MARCHF1: variants seen among roughly 807,000 people sequenced by gnomAD.
The protein encoded by MARCHF1 is membrane associated ring-CH-type finger 1.
MARCHF1 carries 40 observed loss-of-function variants against 54.2 expected under a neutral mutation model. The ratio of observed to expected loss-of-function variants is 0.74; its 90% confidence interval spans 0.57 to 0.96. The LOEUF (loss-of-function observed/expected upper bound fraction) is 0.96. MARCHF1 is among the 40% of genes least tolerant of loss of function. The probability of loss-of-function intolerance (pLI) is 0.00; values close to 1 mark genes in which losing one functional copy is unlikely to be tolerated. For missense variants in MARCHF1, 586 were observed against 656.5 expected (o/e 0.89, Z 1.17); for synonymous variants, 236 against 236.3 (o/e 1.00, Z 0.01).
Position 164,131,903 on chromosome 4 carries a change from T to G in MARCHF1, c.-322-20241A>C, listed in dbSNP as rs193229521. Among the ~76,000 whole-genome samples, 58 of 152,304 alleles carry G rather than the reference T, an allele frequency of 3.8e-4. No homozygotes were observed. The Middle Eastern group carries it at 0.01, about 27-fold the overall frequency. On this transcript the variant is annotated intron_variant, in intron 1 of 9. Transcript: ENST00000514618. ...TTCTATTAAAAAGGCAAATGTATTT[T>G]ACAGAAATGCATTGACATACTAGTC...
intron 3 of MARCHF1, among the ~76,000 whole-genome samples, chr4:163,958,228 G>A (rs1358348108): frequency 6.9e-6 from 1 of 145,880 alleles, no homozygotes; most frequent in East Asian, 2.0e-4. Context: ...TTTCCCAAAT[G>A]ACTTTCAATC....
At chr4:163,998,392 C>T (rs1003859508) in intron 2 of MARCHF1, among the ~76,000 whole-genome samples, 4 of 151,550 alleles carry the variant, frequency 2.6e-5, no homozygotes, top group Admixed American at 6.6e-5. Flanking sequence ...CATTAATACT[C>T]ATGTTAATTA....
chr4:163,731,515 C>A (rs528574479), intron 4 of MARCHF1, among the ~76,000 whole-genome samples: 5 of 152,280 alleles, frequency 3.3e-5, no homozygotes, highest in African/African-American at 1.2e-4. Flanking sequence ...AAAACCCAGG[C>A]AGTGATTAGC....
chr4:164,220,737 AATAT>A (rs1405599135), intron 1 of MARCHF1, among the ~76,000 whole-genome samples: 1 of 146,772 alleles, frequency 6.8e-6, no homozygotes, highest in East Asian at 2.0e-4. Context: ...GTATATATGT[AATAT>A]ATATGCTATA....
chr4:163,604,557 AATCT>A (rs1193976736), intron 7 of MARCHF1, among the ~76,000 whole-genome samples: 1 of 152,074 alleles, frequency 6.6e-6, no homozygotes, highest in Non-Finnish European at 1.5e-5. Context: ...TGTCTCCACC[AATCT>A]ATTTTCCAAC....
At chr4:164,149,205 G>T (rs947238353) in intron 1 of MARCHF1, among the ~76,000 whole-genome samples, 1 of 152,138 alleles carries the variant, frequency 6.6e-6, no homozygotes, top group African/African-American at 2.4e-5. Flanking sequence ...AGCAGATGCT[G>T]GTGCCATGTT....
intron 1 of MARCHF1, among the ~76,000 whole-genome samples, chr4:164,202,002 A>G (rs1731466818): frequency 6.6e-6 from 1 of 152,258 alleles, no homozygotes; most frequent in Non-Finnish European, 1.5e-5. Flanking sequence ...ACAGCCAGAA[A>G]CTATGTCAGG....
At chr4:163,973,925 A>G (rs1295871706) in intron 3 of MARCHF1, among the ~76,000 whole-genome samples, 2 of 152,236 alleles carry the variant, frequency 1.3e-5, no homozygotes, top group Non-Finnish European at 2.9e-5. Context: ...ACACCTCTGT[A>G]TAGCACAGTA....
chr4:164,160,681 G>GAA lies in MARCHF1; in HGVS notation c.-322-49021_-322-49020dup, dbSNP rs1353178386. On this transcript the variant is annotated intron_variant, in intron 1 of 9. Transcript: ENST00000514618. Reference sequence around the variant, plus strand: ...ACAGCATGATACAATATTAATGTATGAATTCAACCACTGACAGTGAGTGCT... The same window carrying GAA: ...ACAGCATGATACAATATTAATGTATGAAAATTCAACCACTGACAGTGAGTGCT... 4.6e-5 allele frequency among the ~76,000 whole-genome samples: 7 copies of GAA among 152,290 alleles called. No homozygotes were observed. In the East Asian group the frequency reaches 1.4e-3, roughly 29 times the overall value.
chr4:164,379,128 T>C (rs927146511), intron 1 of MARCHF1, among the ~76,000 whole-genome samples: 2 of 152,182 alleles, frequency 1.3e-5, no homozygotes, highest in African/African-American at 4.8e-5. Context: ...TAAGTTTGAT[T>C]AATATGCTCC....
chr4:163,873,010 C>G (rs887532428), intron 3 of MARCHF1, among the ~76,000 whole-genome samples: 1 of 151,776 alleles, frequency 6.6e-6, no homozygotes, highest in Non-Finnish European at 1.5e-5. Context: ...CGCCACTGCA[C>G]TCCAGCCTGG....
intron 1 of MARCHF1, among the ~76,000 whole-genome samples, chr4:164,111,941 T>G (rs535569045): frequency 2.6e-5 from 4 of 151,924 alleles, no homozygotes; most frequent in South Asian, 2.1e-4. Flanking sequence ...CAAAATAATC[T>G]CTTCTGGCAT....
chr4:164,300,917 G>A (rs1232655840), intron 1 of MARCHF1, among the ~76,000 whole-genome samples: 2 of 152,106 alleles, frequency 1.3e-5, no homozygotes, highest in African/African-American at 2.4e-5. Context: ...AAAAAAGGAG[G>A]CGACACTTAA....
chr4:164,018,773 A>G (rs1314739182), intron 2 of MARCHF1, among the ~76,000 whole-genome samples: 1 of 152,196 alleles, frequency 6.6e-6, no homozygotes, highest in Non-Finnish European at 1.5e-5. Context: ...GCTTATCATA[A>G]TAATGCAATG....
chr4:164,255,137 AC>A (rs1363157963), intron 1 of MARCHF1, among the ~76,000 whole-genome samples: 1 of 152,112 alleles, frequency 6.6e-6, no homozygotes, highest in African/African-American at 2.4e-5. Flanking sequence ...ATATAACAAT[AC>A]CAATTTGAGG....
chr4:163,686,177 T>A (rs1192674425), intron 5 of MARCHF1, among the ~76,000 whole-genome samples: 1 of 150,766 alleles, frequency 6.6e-6, no homozygotes, highest in African/African-American at 2.5e-5. Context: ...AGTTCTAAAC[T>A]CCAGAAATTT....
At chr4:163,911,589 A>G (rs961654581) in intron 3 of MARCHF1, among the ~76,000 whole-genome samples, 4 of 152,150 alleles carry the variant, frequency 2.6e-5, no homozygotes, top group African/African-American at 9.7e-5. Flanking sequence ...AAAAATAAGC[A>G]TGTTATGGGC....
intron 1 of MARCHF1, among the ~76,000 whole-genome samples, chr4:164,133,174 A>T (rs1756336274): frequency 1.3e-5 from 2 of 152,188 alleles, no homozygotes; most frequent in Non-Finnish European, 2.9e-5. Flanking sequence ...TGACTCCTTT[A>T]TAAGGATAAC....
intron 1 of MARCHF1, among the ~76,000 whole-genome samples, chr4:164,294,658 T>C (rs1383492354): frequency 6.6e-6 from 1 of 152,186 alleles, no homozygotes; most frequent in Non-Finnish European, 1.5e-5. Context: ...GATATAAACA[T>C]TGCACATATT....
Sources: gnomAD v4.1 joint callset for allele counts (sites outside exome capture counted in the v4.1 genomes callset) on GRCh38, gnomAD v4.1.1 for gene constraint, MANE v1.5 for transcripts, NCBI Gene and HGNC (gene_info 2026-07-23, HGNC 2026-07-21) for gene names.